Variants in INPP4B observed in about 807,000 individuals in gnomAD.
INPP4B encodes the protein inositol polyphosphate 4-phosphatase type II.
Under a neutral mutation model 122.5 loss-of-function variants are expected in INPP4B, and 55 were observed. That is an observed-to-expected ratio of 0.45 (90% CI 0.36 to 0.56). The LOEUF (loss-of-function observed/expected upper bound fraction) is 0.56, where lower values mean the gene tolerates loss of function less well. INPP4B is among the 20% of genes least tolerant of loss of function. INPP4B has a pLI of 0.00. For synonymous variants in INPP4B, 403 were observed against 388.7 expected, an observed-to-expected ratio of 1.04 and a Z score of -0.43; for missense variants, 1,000 against 1,097.7, an observed-to-expected ratio of 0.91 and a Z score of 1.26.
At chr4:142,353,456 T>G (rs1349331002) in intron 7 of INPP4B, among the ~76,000 whole-genome samples, 1 of 151,960 alleles carries the variant, frequency 6.6e-6, no homozygotes, top group Non-Finnish European at 1.5e-5. Flanking sequence ...GACTGAAGCT[T>G]TCAGAAGTTT....
chr4:142,201,631 G>A (rs1202837261), intron 14 of INPP4B, among the ~76,000 whole-genome samples: 2 of 151,752 alleles, frequency 1.3e-5, no homozygotes, highest in Non-Finnish European at 2.9e-5. Context: ...CTTAGCTGGG[G>A]CAGTTGTATT....
At chr4:142,724,422 A>G (rs1254103506) in intron 2 of INPP4B, among the ~76,000 whole-genome samples, 2 of 152,004 alleles carry the variant, frequency 1.3e-5, no homozygotes, top group African/African-American at 2.4e-5. Flanking sequence ...TTACTGTGCC[A>G]TCTTCCATTG....
chr4:142,316,267 C>A (rs1236668547), intron 7 of INPP4B, among the ~76,000 whole-genome samples: 1 of 152,204 alleles, frequency 6.6e-6, no homozygotes, highest in Non-Finnish European at 1.5e-5. Context: ...CATGACACAG[C>A]ACTTGCTGGC....
chr4:142,756,127 T>G (rs1770482838), intron 1 of INPP4B, among the ~76,000 whole-genome samples: 2 of 151,938 alleles, frequency 1.3e-5, no homozygotes, highest in African/African-American at 4.8e-5. Context: ...AGAGAGGAAG[T>G]CTGATGAAAA....
At chr4:142,176,341 T>A (rs1828264523) in intron 15 of INPP4B, among the ~76,000 whole-genome samples, 1 of 151,850 alleles carries the variant, frequency 6.6e-6, no homozygotes, top group South Asian at 2.1e-4. Flanking sequence ...ACCAATGACT[T>A]TCTTCACAGA....
At chr4:142,234,001 C>T (rs1242169919) in intron 12 of INPP4B, among the ~76,000 whole-genome samples, 1 of 152,060 alleles carries the variant, frequency 6.6e-6, no homozygotes, top group Non-Finnish European at 1.5e-5. Flanking sequence ...AAAGCCACTG[C>T]CTTTTTCTCT....
chr4:142,353,431 G>A (rs953173368), intron 7 of INPP4B, among the ~76,000 whole-genome samples: 2 of 151,920 alleles, frequency 1.3e-5, no homozygotes, highest in Admixed American at 1.3e-4. Context: ...ACATTGATTG[G>A]ACCATGTTTT....
At chr4:142,785,619 T>G (rs2151044607) in intron 1 of INPP4B, among the ~76,000 whole-genome samples, 1 of 152,036 alleles carries the variant, frequency 6.6e-6, no homozygotes, top group African/African-American at 2.4e-5. Context: ...TAATAGCAAC[T>G]TCCAAAACCA....
intron 2 of INPP4B, among the ~76,000 whole-genome samples, chr4:142,508,569 C>T (rs868154089): frequency 1.1e-4 from 17 of 152,286 alleles, no homozygotes; most frequent in South Asian, 8.3e-4. Context: ...CCACTGCGCC[C>T]GGCTTACAAT....
chr4:142,063,715 G>A (rs1762147361), intron 25 of INPP4B, among the ~76,000 whole-genome samples: 2 of 152,018 alleles, frequency 1.3e-5, no homozygotes, highest in Non-Finnish European at 1.5e-5. Flanking sequence ...TTAAAAAATG[G>A]GATATTTTTC....
chr4:142,694,201 C>T (rs1760674566), intron 2 of INPP4B, among the ~76,000 whole-genome samples: 2 of 151,622 alleles, frequency 1.3e-5, no homozygotes, highest in African/African-American at 2.4e-5. Context: ...GGTGAAACCC[C>T]GTCTGTACTA....
chr4:142,207,224 C>T (rs183085220), intron 14 of INPP4B, among the ~76,000 whole-genome samples: 25 of 152,234 alleles, frequency 1.6e-4, no homozygotes, highest in South Asian at 1.0e-3. Context: ...GTCTTGGCTA[C>T]GGTGAACAAT....
At chr4:142,491,716 A>G (rs972293092) in intron 2 of INPP4B, among the ~76,000 whole-genome samples, 2 of 152,148 alleles carry the variant, frequency 1.3e-5, no homozygotes, top group African/African-American at 2.4e-5. Context: ...AGACATACAA[A>G]TGAACAACAG....
chr4:142,053,381 G>T (rs187704544), intron 25 of INPP4B, among the ~76,000 whole-genome samples: 1 of 152,050 alleles, frequency 6.6e-6, no homozygotes, highest in Non-Finnish European at 1.5e-5. Flanking sequence ...GAAGAGAGAT[G>T]GTGGTGAGGC....
intron 7 of INPP4B, among the ~76,000 whole-genome samples, chr4:142,359,212 A>G (rs1302102332): frequency 6.7e-6 from 1 of 148,408 alleles, no homozygotes; most frequent in Non-Finnish European, 1.5e-5. Flanking sequence ...CTGGCAAAAA[A>G]CAAACAAACA....
chr4:142,330,586 T>G (rs1302403781), intron 7 of INPP4B, among the ~76,000 whole-genome samples: 1 of 152,154 alleles, frequency 6.6e-6, no homozygotes, highest in Non-Finnish European at 1.5e-5. Flanking sequence ...GTGAAGCAAT[T>G]CAATTCCATT....
Position 142,062,195 on chromosome 4 carries a change from G to T in INPP4B, c.2642+19836C>A, listed in dbSNP as rs776421478. ...TCCTTGCAGTGGAATCAGTTCAGGC[G>T]CACCAAGGGAACATCCTATGGCATC... On this transcript the variant is annotated intron_variant, in intron 25 of 25. Coordinates refer to ENST00000262992, the MANE Select transcript of INPP4B (RefSeq NM_001101669.3). 5.3e-5 allele frequency among the ~76,000 whole-genome samples: 8 copies of T among 151,892 alleles called. No individual in the cohort carries two copies. In the South Asian group the frequency reaches 8.3e-4, roughly 16 times the overall value.
chr4:142,612,495 T>C (rs1742771357), intron 2 of INPP4B, among the ~76,000 whole-genome samples: 1 of 152,190 alleles, frequency 6.6e-6, no homozygotes, highest in Admixed American at 6.5e-5. Flanking sequence ...CTCACTGTTA[T>C]GAAGGCCAAG....
chr4:142,426,579 G>A (rs1449285964), intron 5 of INPP4B: 1 of 151,948 alleles, frequency 6.6e-6, no homozygotes, highest in Non-Finnish European at 1.5e-5. Context: ...TGCTTATCTT[G>A]TGCTCAAGAC....
Sources: gnomAD v4.1 joint callset for allele counts (sites outside exome capture counted in the v4.1 genomes callset) on GRCh38, gnomAD v4.1.1 for gene constraint, MANE v1.5 for transcripts, NCBI Gene and HGNC (gene_info 2026-07-23, HGNC 2026-07-21) for gene names.